B3GALT1: variants seen among roughly 807,000 people sequenced by gnomAD.
The protein encoded by B3GALT1 is beta-1,3-galactosyltransferase 1.
In B3GALT1, 10 loss-of-function variants were observed where a neutral mutation model predicts 23.2. That is an observed-to-expected ratio of 0.43 (90% CI 0.27 to 0.73). The LOEUF is 0.73. Ranked by LOEUF, B3GALT1 falls within the 30% of genes least tolerant of loss-of-function variation. The pLI, the probability that B3GALT1 is intolerant of heterozygous loss-of-function variation, is 0.21. For synonymous variants in B3GALT1, 156 were observed against 141.5 expected (o/e 1.10, Z -0.73); for missense variants, 299 against 405.4 (o/e 0.74, Z 2.25).
At chr2:167,668,056 G>GT (rs1272430232) in intron 3 of B3GALT1, among the ~76,000 whole-genome samples, 3 of 152,136 alleles carry the variant, frequency 2.0e-5, no homozygotes, top group African/African-American at 7.2e-5. Context: ...TTTCTGCTCT[G>GT]TTTTTTCCCC....
intron 3 of B3GALT1, among the ~76,000 whole-genome samples, chr2:167,752,256 T>C (rs898539116): frequency 6.6e-6 from 1 of 152,172 alleles, no homozygotes; most frequent in Non-Finnish European, 1.5e-5. Flanking sequence ...GTAGACTATT[T>C]TTTAAAAATA....
At chr2:167,675,747 T>C (rs756279762) in intron 3 of B3GALT1, among the ~76,000 whole-genome samples, 1 of 152,190 alleles carries the variant, frequency 6.6e-6, no homozygotes, top group African/African-American at 2.4e-5. Flanking sequence ...ATTAAAATCA[T>C]GCTTTTAAAA....
At chr2:167,704,339 C>T (rs1223129733) in intron 3 of B3GALT1, among the ~76,000 whole-genome samples, 4 of 151,748 alleles carry the variant, frequency 2.6e-5, no homozygotes, top group Non-Finnish European at 5.9e-5. Context: ...AAAAATAATG[C>T]CTGCTTACCG....
At chr2:167,446,287 T>G (rs6739277) in intron 1 of B3GALT1, among the ~76,000 whole-genome samples, 29,623 of 152,114 alleles carry the variant, frequency 0.19, 5,060 homozygotes, top group African/African-American at 0.47. Context: ...CTCTCTGGCT[T>G]CCCTTAACAT....
chr2:167,728,761 T>C (rs1430231323), intron 3 of B3GALT1, among the ~76,000 whole-genome samples: 1 of 152,240 alleles, frequency 6.6e-6, no homozygotes, highest in Non-Finnish European at 1.5e-5. Context: ...TATTGTTTAA[T>C]TGTATACAGA....
intron 2 of B3GALT1, among the ~76,000 whole-genome samples, chr2:167,550,325 T>C (rs999397241): frequency 2.0e-5 from 3 of 152,246 alleles, no homozygotes; most frequent in Non-Finnish European, 4.4e-5. Flanking sequence ...GGATACACTC[T>C]AGACTTTGTG....
chr2:167,640,590 A>C (rs181163169), intron 2 of B3GALT1, among the ~76,000 whole-genome samples: 141 of 152,070 alleles, frequency 9.3e-4, no homozygotes, highest in Admixed American at 2.0e-3. Flanking sequence ...TTAGCTGAGT[A>C]GATATTGTGC....
At chr2:167,652,018 A>G (rs1323023981) in intron 3 of B3GALT1, among the ~76,000 whole-genome samples, 3 of 152,150 alleles carry the variant, frequency 2.0e-5, no homozygotes. Flanking sequence ...TACAATAGAC[A>G]GAAGACTGCA....
Position 167,379,061 on chromosome 2 carries a change from G to A in B3GALT1, c.-511+85727G>A, listed in dbSNP as rs1461653302. On this transcript the variant is annotated intron_variant, in intron 1 of 4. Coordinates refer to ENST00000392690, the MANE Select transcript of B3GALT1 (RefSeq NM_020981.4). The stretch of plus-strand genomic sequence containing the variant: ...ACCCAAGACTGAATAATTTATGAAG[G>A]AGAAAGGTTTAATTGACTCACAGTT... Among the ~76,000 whole-genome samples, 9 of 152,248 alleles carry A rather than the reference G, an allele frequency of 5.9e-5. No homozygotes were observed. In the South Asian group the frequency reaches 1.0e-3, roughly 18 times the overall value.
intron 3 of B3GALT1, among the ~76,000 whole-genome samples, chr2:167,806,561 A>G (rs1422253436): frequency 1.3e-5 from 2 of 152,214 alleles, no homozygotes; most frequent in African/African-American, 4.8e-5. Context: ...CCTTTTCTGC[A>G]TCTATTGAGA....
intron 2 of B3GALT1, among the ~76,000 whole-genome samples, chr2:167,607,508 A>G (rs1684986246): frequency 6.6e-6 from 1 of 152,170 alleles, no homozygotes. Context: ...GCCCAGGAGT[A>G]CTGTGTGAGT....
intron 3 of B3GALT1, among the ~76,000 whole-genome samples, chr2:167,791,862 G>C (rs1181108064): frequency 6.6e-6 from 1 of 150,444 alleles, no homozygotes; most frequent in East Asian, 1.9e-4. Context: ...AATTCACAAA[G>C]GTATGCAGTC....
chr2:167,853,315 A>C (rs1371356987), intron 4 of B3GALT1, among the ~76,000 whole-genome samples: 1 of 152,156 alleles, frequency 6.6e-6, no homozygotes, highest in African/African-American at 2.4e-5. Context: ...TTAGCATTGA[A>C]TGTCTCTCCC....
chr2:167,319,526 C>T (rs1696771564), intron 1 of B3GALT1, among the ~76,000 whole-genome samples: 1 of 151,920 alleles, frequency 6.6e-6, no homozygotes, highest in African/African-American at 2.4e-5. Context: ...GAAAATAGAA[C>T]AGTGTAAAGA....
intron 1 of B3GALT1, among the ~76,000 whole-genome samples, chr2:167,439,656 TCTA>T (rs1351613236): frequency 2.0e-5 from 3 of 152,164 alleles, no homozygotes; most frequent in Non-Finnish European, 2.9e-5. Flanking sequence ...TGCTTATTTC[TCTA>T]CTACTGAAAA....
chr2:167,490,592 G>A (rs1014519436), intron 2 of B3GALT1, among the ~76,000 whole-genome samples: 37 of 152,190 alleles, frequency 2.4e-4, no homozygotes, highest in African/African-American at 8.7e-4. Flanking sequence ...TGACACACAT[G>A]GAAAATGGTA....
chr2:167,573,688 T>C (rs911494995), intron 2 of B3GALT1, among the ~76,000 whole-genome samples: 6 of 151,760 alleles, frequency 4.0e-5, no homozygotes, highest in Non-Finnish European at 7.4e-5. Flanking sequence ...AATAGAACTA[T>C]TGTACTTAAT....
chr2:167,703,955 G>A (rs1343215333), intron 3 of B3GALT1, among the ~76,000 whole-genome samples: 1 of 152,062 alleles, frequency 6.6e-6, no homozygotes, highest in East Asian at 1.9e-4. Flanking sequence ...GCCAAGGCGG[G>A]CGGATCACGA....
intron 2 of B3GALT1, among the ~76,000 whole-genome samples, chr2:167,617,057 T>C (rs753838303): frequency 3.9e-5 from 6 of 152,098 alleles, no homozygotes; most frequent in Non-Finnish European, 8.8e-5. Flanking sequence ...GTAGGCAGTT[T>C]CAAGCTTGAT....
Sources: allele counts gnomAD v4.1 joint callset (sites outside exome capture counted in the v4.1 genomes callset), GRCh38; gene constraint gnomAD v4.1.1; transcripts MANE v1.5; gene names NCBI Gene and HGNC (gene_info 2026-07-23, HGNC 2026-07-21).